The following TENM3 variants were observed in gnomAD, a reference collection of about 807,000 sequenced individuals.
TENM3 encodes teneurin transmembrane protein 3, also known as teneurin-3.
A neutral mutation model predicts 255.1 loss-of-function variants in TENM3; 63 were observed. The observed-to-expected ratio is 0.25, with a 90% CI of 0.20 to 0.30. The LOEUF is 0.30. TENM3 is among the 10% of genes least tolerant of loss of function. TENM3 has a pLI of 1.00. For synonymous variants in TENM3, 1,306 were observed against 1,322.3 expected, an observed-to-expected ratio of 0.99 and a Z score of 0.27; for missense variants, 2,929 against 3,461.1, an observed-to-expected ratio of 0.85 and a Z score of 3.86.
chr4:182,162,919 C>T (rs140667893), intron 1 of TENM3, among the ~76,000 whole-genome samples: 88 of 152,262 alleles, frequency 5.8e-4, no homozygotes, highest in African/African-American at 2.0e-3. Context: ...TCAATATGAA[C>T]TTCGGAGGGA....
intron 1 of TENM3, among the ~76,000 whole-genome samples, chr4:182,213,967 A>T (rs1755247161): frequency 1.3e-5 from 2 of 151,874 alleles, no homozygotes; most frequent in Admixed American, 1.3e-4. Flanking sequence ...ACGCCTGGCT[A>T]ATTTTTTTGT....
the TENM3 span, among the ~76,000 whole-genome samples, chr4:181,825,695 A>G: frequency 2.0e-5 from 3 of 152,358 alleles, no homozygotes; most frequent in South Asian, 6.2e-4. Flanking sequence ...CACAGTTAAC[A>G]TAAGTGTACT....
At chr4:182,102,062 G>C in the TENM3 span, among the ~76,000 whole-genome samples, 1 of 152,194 alleles carries the variant, frequency 6.6e-6, no homozygotes, top group Non-Finnish European at 1.5e-5. Context: ...CATAGCCCAG[G>C]CACTCAGGAA....
chr4:181,883,556 G>T, the TENM3 span, among the ~76,000 whole-genome samples: 1 of 152,074 alleles, frequency 6.6e-6, no homozygotes, highest in African/African-American at 2.4e-5. Context: ...CTCACTGCAA[G>T]CTCCGCCTCC....
chr4:181,493,934 T>C, the TENM3 span, among the ~76,000 whole-genome samples: 2 of 152,016 alleles, frequency 1.3e-5, no homozygotes, highest in African/African-American at 2.4e-5. Flanking sequence ...AATAATAATA[T>C]CAAATACTTA....
chr4:182,384,837 TCAACCTCCCTCC>T (rs985089757), intron 3 of TENM3, among the ~76,000 whole-genome samples: 1 of 152,122 alleles, frequency 6.6e-6, no homozygotes, highest in Admixed American at 6.6e-5. Context: ...ACATTTCTTT[TCAACCTCCCTCC>T]GTATTTGGCT....
intron 3 of TENM3, among the ~76,000 whole-genome samples, chr4:182,583,874 G>GT (rs1745752773): frequency 6.6e-6 from 1 of 152,136 alleles, no homozygotes; most frequent in South Asian, 2.1e-4. Flanking sequence ...TGAAAGCTTT[G>GT]TGAGCTATGT....
chr4:182,645,470 A>G (rs576450426), intron 5 of TENM3, among the ~76,000 whole-genome samples: 6 of 152,292 alleles, frequency 3.9e-5, no homozygotes, highest in Middle Eastern at 3.4e-3. Flanking sequence ...AGTCAGGAGT[A>G]GGCAGGTTAT....
the TENM3 span, among the ~76,000 whole-genome samples, chr4:181,530,609 T>C: frequency 6.6e-6 from 1 of 152,220 alleles, no homozygotes; most frequent in African/African-American, 2.4e-5. Context: ...CAACTCTTAA[T>C]GAGTTTTAAG....
intron 3 of TENM3, among the ~76,000 whole-genome samples, chr4:182,554,876 CT>C (rs1412636029): frequency 3.5e-3 from 505 of 143,416 alleles, no homozygotes; most frequent in South Asian, 4.2e-3. Context: ...TCCTTTTAAG[CT>C]TTTTTTTTTT....
chr4:182,764,705 G>GAT (rs1763529076), intron 22 of TENM3, among the ~76,000 whole-genome samples: 2 of 152,152 alleles, frequency 1.3e-5, no homozygotes, highest in African/African-American at 4.8e-5. Context: ...GGAGGAGGGA[G>GAT]ATAAGATGAA....
intron 3 of TENM3, among the ~76,000 whole-genome samples, chr4:182,494,469 A>C (rs1290383307): frequency 6.6e-6 from 1 of 152,152 alleles, no homozygotes; most frequent in African/African-American, 2.4e-5. Flanking sequence ...TATAAATCAA[A>C]CCTTTCCTAG....
chr4:182,764,504 G>A (rs1381648798), intron 22 of TENM3, among the ~76,000 whole-genome samples: 4 of 152,198 alleles, frequency 2.6e-5, no homozygotes, highest in African/African-American at 9.7e-5. Context: ...ACTGGGGACA[G>A]GATGAGGCAA....
At chr4:181,546,181 CAGAT>C in the TENM3 span, among the ~76,000 whole-genome samples, 3 of 152,126 alleles carry the variant, frequency 2.0e-5, no homozygotes, top group African/African-American at 4.8e-5. Flanking sequence ...CTTGTCAACT[CAGAT>C]AGCCCCTTTC....
the TENM3 span, among the ~76,000 whole-genome samples, chr4:182,016,989 G>C: frequency 4.7e-4 from 71 of 152,316 alleles, no homozygotes; most frequent in Non-Finnish European, 9.6e-4. Context: ...TTTACCAAAA[G>C]TCATAAAATT....
rs72698077 is a variant in TENM3, at chr4:182,317,891, G to A, written c.-75-6055G>A. On this transcript the variant is annotated intron_variant, in intron 1 of 27. Coordinates refer to ENST00000511685, the MANE Select transcript of TENM3 (RefSeq NM_001080477.4). ...TGAAATTCTTATGGTATGCAAAGTT[G>A]TATTTACTGTTCAATTGATATAACT... is the stretch of plus-strand genomic sequence containing the variant. Among the ~76,000 whole-genome samples the A allele has an allele frequency of 4.0e-3, 610 of 152,248 alleles. 3 individuals are homozygous for A. The highest frequency in any genetic ancestry group is 7.1e-3 in the Non-Finnish European group (483 of 68,028).
the TENM3 span, among the ~76,000 whole-genome samples, chr4:181,868,572 T>C: frequency 6.6e-6 from 1 of 152,198 alleles, no homozygotes; most frequent in South Asian, 2.1e-4. Context: ...TATTTGTGCT[T>C]AATAAATTAC....
chr4:182,147,855 G>A (rs958655746), intron 1 of TENM3, among the ~76,000 whole-genome samples: 6 of 152,022 alleles, frequency 3.9e-5, no homozygotes, highest in Admixed American at 6.6e-5. Flanking sequence ...ACATGCATTC[G>A]GAGTAAAGTC....
At chr4:182,671,644 A>G (rs1209403029) in intron 6 of TENM3, among the ~76,000 whole-genome samples, 2 of 151,778 alleles carry the variant, frequency 1.3e-5, no homozygotes, top group African/African-American at 4.9e-5. Context: ...CTAAGATTCT[A>G]CTCTTTGGTT....
Sources: gnomAD v4.1 joint callset for allele counts (sites outside exome capture counted in the v4.1 genomes callset) on GRCh38, gnomAD v4.1.1 for gene constraint, MANE v1.5 for transcripts, NCBI Gene and HGNC (gene_info 2026-07-23, HGNC 2026-07-21) for gene names.